The following PCDHGA1 variants were observed in gnomAD, a reference collection of about 807,000 sequenced individuals.
PCDHGA1 encodes protocadherin gamma subfamily A, 1, also known as protocadherin gamma-A1.
A neutral mutation model predicts 58.0 loss-of-function variants in PCDHGA1; 32 were observed. That is an observed-to-expected ratio of 0.55 (90% CI 0.42 to 0.74). PCDHGA1 has a LOEUF of 0.74. Ranked by LOEUF, PCDHGA1 falls within the 30% of genes least tolerant of loss-of-function variation. PCDHGA1 has a pLI of 0.00. For synonymous variants in PCDHGA1, 498 were observed against 501.1 expected (o/e 0.99, Z 0.08); for missense variants, 1,205 against 1,182.3 (o/e 1.02, Z -0.28).
chr5:141,466,415 C>T (rs995296505), intron 1 of PCDHGA1, among the ~76,000 whole-genome samples: 6 of 152,136 alleles, frequency 3.9e-5, no homozygotes, highest in Non-Finnish European at 8.8e-5. Context: ...ATTTTTCAGT[C>T]AGAATTGTGT....
At chr5:141,350,578 C>T in intron 1 of PCDHGA1, 2 of 1,613,970 alleles carry the variant, frequency 1.2e-6, no homozygotes, top group South Asian at 1.1e-5. Flanking sequence ...TCGAAACGGT[C>T]GCTGAAAACC....
chr5:141,332,361 G>T lies in PCDHGA1; in HGVS notation c.1677G>T (p.Ala559=). 6.2e-7 allele frequency: 1 copy of T among 1,614,146 alleles called. No homozygotes were observed. The highest frequency in any genetic ancestry group is 1.1e-5 in the South Asian group (1 of 91,082). Residue 559 remains alanine, a synonymous_variant, in exon 1 of 4, where the codon GCG becomes GCT. Transcript: ENST00000517417. The surrounding 1 kb of genome is among the most constrained non-coding windows in gnomAD (Gnocchi z 4.6). ...TCCTGCTGGACCAGAACGACAACGC[G>T]CCCGAGATCCTGTACCCCGCCCTCC... ...SLFLLDQNDN[A]PEILYPALPT...
At chr5:141,338,846 C>T (rs1249435554) in intron 1 of PCDHGA1, 32 of 1,412,090 alleles carry the variant, frequency 2.3e-5, no homozygotes, top group Non-Finnish European at 2.9e-5. Flanking sequence ...GTCGAACAGC[C>T]CACCAGTTCT....
chr5:141,476,754 T>G lies in PCDHGA1; in HGVS notation c.2422-18053T>G. 1 of 1,613,926 alleles carries G rather than the reference T, an allele frequency of 6.2e-7. No individual in the cohort carries two copies. The highest frequency in any genetic ancestry group is 1.1e-5 in the South Asian group (1 of 91,084). On this transcript the variant is annotated intron_variant, in intron 1 of 3. Coordinates refer to ENST00000517417, the MANE Select transcript of PCDHGA1 (RefSeq NM_018912.3). The surrounding 1 kb of genome is among the most constrained non-coding windows in gnomAD (Gnocchi z 7.6). Reference sequence around the variant, plus strand: ...GAACGGGAGCCTAGTCTCCAGTTAGTGCTGACGGCGTTGGACGGAGGGACC... The same window carrying G: ...GAACGGGAGCCTAGTCTCCAGTTAGGGCTGACGGCGTTGGACGGAGGGACC...
chr5:141,340,858 G>A, intron 1 of PCDHGA1: 1 of 1,613,588 alleles, frequency 6.2e-7, no homozygotes, highest in Non-Finnish European at 8.5e-7. Flanking sequence ...TGCGCACGGC[G>A]CGAGCCCTGC....
intron 1 of PCDHGA1, among the ~76,000 whole-genome samples, chr5:141,442,926 T>C (rs2098353621): frequency 6.6e-6 from 1 of 152,240 alleles, no homozygotes; most frequent in African/African-American, 2.4e-5. Flanking sequence ...TGTTTCATTT[T>C]CTATTTAAGA....
At chr5:141,413,086 A>T in intron 1 of PCDHGA1, 1 of 1,344,152 alleles carries the variant, frequency 7.4e-7, no homozygotes, top group Non-Finnish European at 1.0e-6. Flanking sequence ...GGCTACAGAG[A>T]CACCCTGAAG....
Position 141,486,616 on chromosome 5 carries a change from C to A in PCDHGA1, c.2422-8191C>A. On this transcript the variant is annotated intron_variant, in intron 1 of 3. Transcript: ENST00000517417. The surrounding 1 kb of genome is among the most constrained non-coding windows in gnomAD (Gnocchi z 5.0). ...TGCTTTGCTCCCTTGCAGCCTCTGACCCAGACTCTGGCTTGAATGCGCTTA... is the reference window on the plus strand; with the variant it reads ...TGCTTTGCTCCCTTGCAGCCTCTGAACCAGACTCTGGCTTGAATGCGCTTA... The A allele has an allele frequency of 6.2e-7, 1 of 1,613,618 alleles. No individual in the cohort carries two copies. Among genetic ancestry groups the A allele is most frequent in the Non-Finnish European group, 8.5e-7 (1 of 1,180,022 alleles).
At chr5:141,427,378 C>T in intron 1 of PCDHGA1, 1 of 458,520 alleles carries the variant, frequency 2.2e-6, no homozygotes, top group Non-Finnish European at 4.4e-6. Context: ...ACGGTGATCA[C>T]TCTGTTCAAA....
intron 1 of PCDHGA1, chr5:141,345,665 C>G: frequency 2.5e-6 from 4 of 1,614,246 alleles, no homozygotes; most frequent in Non-Finnish European, 3.4e-6. Context: ...CACTCAGCAG[C>G]AACGTGTCGC....
chr5:141,496,225 G>C (rs112222482), intron 2 of PCDHGA1, among the ~76,000 whole-genome samples: 178 of 152,276 alleles, frequency 1.2e-3, no homozygotes, highest in Non-Finnish European at 1.8e-3. Context: ...TGCTGAGACA[G>C]GAACCCCCTG....
chr5:141,410,809 G>C, intron 1 of PCDHGA1: 1 of 292,002 alleles, frequency 3.4e-6, no homozygotes, highest in Admixed American at 5.8e-5. Flanking sequence ...CTATCTTTTT[G>C]TAAAATAATG....
intron 1 of PCDHGA1, chr5:141,408,303 G>T: frequency 1.2e-6 from 2 of 1,613,794 alleles, no homozygotes; most frequent in South Asian, 1.1e-5. Context: ...GAGCCGATCC[G>T]CTACTCGATT....
chr5:141,378,991 T>C (rs530834817), intron 1 of PCDHGA1: 34 of 152,352 alleles, frequency 2.2e-4, no homozygotes, highest in African/African-American at 7.7e-4. Flanking sequence ...AACTACATTA[T>C]AGTCAAGATT....
At chr5:141,366,360 G>C in intron 1 of PCDHGA1, 4 of 1,614,024 alleles carry the variant, frequency 2.5e-6, no homozygotes, top group Non-Finnish European at 3.4e-6. Flanking sequence ...GACCTAGGCA[G>C]TATCAAGACC....
At chr5:141,417,532 T>C (rs2096129143) in intron 1 of PCDHGA1, 1 of 284,726 alleles carries the variant, frequency 3.5e-6, no homozygotes, top group African/African-American at 2.2e-5. Flanking sequence ...ACTCGTAGTT[T>C]AAAAAAAATT....
In PCDHGA1 at chr5:141,372,623, C is replaced by T. The variant is rs1024329977; in HGVS notation, c.2421+39518C>T. The T allele has an allele frequency of 6.8e-6, 11 of 1,613,878 alleles. No homozygotes were observed. In the Admixed American group the frequency reaches 1.2e-4, roughly 17 times the overall value. ...CTGTACCTGGAGTTCTCCCCACCTA[C>T]AGCGAAAGGACTTTGCCTTATTCCT... is the stretch of plus-strand genomic sequence containing the variant. On this transcript the variant is annotated intron_variant, in intron 1 of 3. Transcript: ENST00000517417.
intron 1 of PCDHGA1, chr5:141,357,295 G>T (rs774772455): frequency 6.2e-7 from 1 of 1,613,930 alleles, no homozygotes; most frequent in South Asian, 1.1e-5. Flanking sequence ...GGCAGTGGCC[G>T]CTGTCTCCTG....
rs546603908 is a variant in PCDHGA1, at chr5:141,408,104, C to G, written c.2421+74999C>G. ...ACAGCGGATTGCCAGCTCCGAGACCCGGGACTCCTCCTGTCCTGGGCCGAA... is the reference window on the plus strand; with the variant it reads ...ACAGCGGATTGCCAGCTCCGAGACCGGGGACTCCTCCTGTCCTGGGCCGAA... On this transcript the variant is annotated intron_variant, in intron 1 of 3. Coordinates refer to ENST00000517417, the MANE Select transcript of PCDHGA1 (RefSeq NM_018912.3). The G allele has an allele frequency of 2.8e-3, 4,048 of 1,441,886 alleles. 13 individuals carry two copies. Among genetic ancestry groups the G allele is most frequent in the Admixed American group, 6.6e-3 (242 of 36,606 alleles). 89.3% of individuals were successfully genotyped at this position (1,441,886 alleles called of 1,614,324 possible). A position where few individuals can be genotyped will look rare whatever the true frequency, so the allele number is the denominator to read the frequency against.
Sources: gnomAD v4.1 joint callset for allele counts (sites outside exome capture counted in the v4.1 genomes callset) on GRCh38, gnomAD v4.1.1 for gene constraint, Gnocchi (gnomAD v3.1) non-coding constraint, MANE v1.5 for transcripts, NCBI Gene and HGNC (gene_info 2026-07-23, HGNC 2026-07-21) for gene names.